BMERB1: variants seen among roughly 807,000 people sequenced by gnomAD.
BMERB1 encodes bMERB domain containing 1, also known as bMERB domain-containing protein 1.
Under a neutral mutation model 23.6 loss-of-function variants are expected in BMERB1, and 12 were observed. That is an observed-to-expected ratio of 0.51 (90% CI 0.33 to 0.82). The LOEUF is 0.82. Ranked by LOEUF, BMERB1 falls within the 40% of genes least tolerant of loss-of-function variation. The pLI, the probability that BMERB1 is intolerant of heterozygous loss-of-function variation, is 0.03. For synonymous variants in BMERB1, 122 were observed against 96.6 expected (o/e 1.26, Z -1.54); for missense variants, 247 against 255.4 (o/e 0.97, Z 0.22).
intron 5 of BMERB1, among the ~76,000 whole-genome samples, chr16:15,585,006 T>C (rs1313587678): frequency 6.6e-6 from 1 of 152,190 alleles, no homozygotes; most frequent in Non-Finnish European, 1.5e-5. Context: ...GAAGAGGGAC[T>C]TGAAATCTTG....
intron 1 of BMERB1, among the ~76,000 whole-genome samples, chr16:15,473,741 T>G (rs1438953863): frequency 6.6e-6 from 1 of 152,202 alleles, no homozygotes; most frequent in Non-Finnish European, 1.5e-5. Flanking sequence ...CTTTTACTTC[T>G]TGAAAAATAT....
intron 3 of BMERB1, among the ~76,000 whole-genome samples, chr16:15,576,951 A>C (rs554597651): frequency 2.6e-4 from 39 of 152,278 alleles, no homozygotes; most frequent in Middle Eastern, 3.4e-3. Context: ...GGCAGACTGC[A>C]CCAAATTTTA....
intron 3 of BMERB1, among the ~76,000 whole-genome samples, chr16:15,579,248 C>T (rs937506518): frequency 2.0e-5 from 3 of 152,172 alleles, no homozygotes; most frequent in South Asian, 2.1e-4. Context: ...CCTGGTGAGT[C>T]GATGGGTGTT....
intron 1 of BMERB1, among the ~76,000 whole-genome samples, chr16:15,444,171 C>G (rs2050970539): frequency 4.2e-5 from 3 of 71,022 alleles, no homozygotes; most frequent in Admixed American, 4.2e-4. Context: ...TTCCCCTTGG[C>G]TTAATGGATC....
chr16:15,445,322 A>G (rs886754033), intron 1 of BMERB1, among the ~76,000 whole-genome samples: 1 of 151,104 alleles, frequency 6.6e-6, no homozygotes, highest in Non-Finnish European at 1.5e-5. Flanking sequence ...TACATGATAC[A>G]TGTTTAGTAA....
At chr16:15,470,572 C>G (rs1273781369) in intron 1 of BMERB1, among the ~76,000 whole-genome samples, 1 of 150,876 alleles carries the variant, frequency 6.6e-6, no homozygotes. Context: ...TGTCGCAAGG[C>G]TGGAGTGCAG....
chr16:15,575,909 A>G (rs902530267), intron 3 of BMERB1, among the ~76,000 whole-genome samples: 1 of 152,048 alleles, frequency 6.6e-6, no homozygotes, highest in African/African-American at 2.4e-5. Context: ...AGTAGCCTCC[A>G]GTCCTTTTGT....
At chr16:15,530,786 G>A (rs1032864053) in intron 2 of BMERB1, among the ~76,000 whole-genome samples, 3 of 152,096 alleles carry the variant, frequency 2.0e-5, no homozygotes, top group Non-Finnish European at 2.9e-5. Context: ...TCCCCTGCTG[G>A]CATTCATTCT....
chr16:15,554,912 C>T (rs868277012), intron 2 of BMERB1, among the ~76,000 whole-genome samples: 87 of 152,006 alleles, frequency 5.7e-4, no homozygotes, highest in African/African-American at 1.9e-3. Context: ...GTGATCCGCC[C>T]GCCTCGGCCT....
chr16:15,552,483 C>T (rs2030122150), intron 2 of BMERB1, among the ~76,000 whole-genome samples: 1 of 152,074 alleles, frequency 6.6e-6, no homozygotes, highest in African/African-American at 2.4e-5. Flanking sequence ...ACTCACAACA[C>T]TTACTGTCTC....
Position 15,586,764 on chromosome 16 carries a change from G to A in BMERB1, c.550G>A (p.Val184Met), listed in dbSNP as rs1473247824. Residue 184 changes from valine to methionine, a missense_variant, in exon 6 of 6, where the codon GTG becomes ATG. Coordinates refer to ENST00000300006, the MANE Select transcript of BMERB1 (RefSeq NM_033201.3). The part of the protein sequence containing the change: ...KAEPPPSKPT[V>M]AKTGLALIKD... ...AGAGCCCCCACCTAGCAAGCCCACG[G>A]TGGCCAAGACGGGGCTGGCACTGAT... 1.2e-6 allele frequency: 2 copies of A among 1,612,764 alleles called. No individual in the cohort carries two copies. The highest frequency in any genetic ancestry group is 2.2e-5 in the South Asian group (2 of 90,582).
At chr16:15,562,170 G>A (rs779379809) in intron 2 of BMERB1, among the ~76,000 whole-genome samples, 23 of 151,988 alleles carry the variant, frequency 1.5e-4, no homozygotes, top group Non-Finnish European at 2.9e-4. Context: ...GGGCCTGGTG[G>A]TGCATGCCTG....
At chr16:15,523,808 C>G (rs1472479243) in intron 2 of BMERB1, among the ~76,000 whole-genome samples, 1 of 152,042 alleles carries the variant, frequency 6.6e-6, no homozygotes, top group Non-Finnish European at 1.5e-5. Context: ...TAACATTGTG[C>G]TTCGTGGGAG....
At chr16:15,463,270 T>TATATATATATATATATATATATA (rs2051152108) in intron 1 of BMERB1, among the ~76,000 whole-genome samples, 2 of 151,444 alleles carry the variant, frequency 1.3e-5, no homozygotes, top group Admixed American at 6.6e-5. Context: ...TATATATATA[T>TATATATATATATATATATATATA]TTTGTAGAGG....
intron 1 of BMERB1, among the ~76,000 whole-genome samples, chr16:15,474,976 C>T (rs983940848): frequency 2.0e-5 from 3 of 152,078 alleles, no homozygotes; most frequent in East Asian, 3.8e-4. Context: ...TGTGAGCCAC[C>T]GCACCCAGCC....
At chr16:15,494,175 C>T (rs2051450396) in intron 1 of BMERB1, among the ~76,000 whole-genome samples, 1 of 151,980 alleles carries the variant, frequency 6.6e-6, no homozygotes, top group Admixed American at 6.6e-5. Context: ...ACAGAAGTGC[C>T]GAAAAAGATT....
chr16:15,515,481 A>G (rs1160940039), intron 2 of BMERB1, 53 bp downstream of exon 2: 1 of 1,583,186 alleles, frequency 6.3e-7, no homozygotes. Context: ...GGAGAGAGGA[A>G]AACCTAATAT....
chr16:15,436,993 A>G (rs1184049290), intron 1 of BMERB1, among the ~76,000 whole-genome samples: 1 of 152,200 alleles, frequency 6.6e-6, no homozygotes, highest in Non-Finnish European at 1.5e-5. Flanking sequence ...TAGATTTAAA[A>G]AAACAAAACA....
intron 2 of BMERB1, among the ~76,000 whole-genome samples, chr16:15,549,539 C>A (rs1207828944): frequency 2.0e-5 from 3 of 151,690 alleles, no homozygotes; most frequent in Non-Finnish European, 2.9e-5. Context: ...ATTAGCTGGG[C>A]GTGGTGGCGG....
Sources: gnomAD v4.1 joint callset for allele counts (sites outside exome capture counted in the v4.1 genomes callset) on GRCh38, gnomAD v4.1.1 for gene constraint, MANE v1.5 for transcripts, NCBI Gene and HGNC (gene_info 2026-07-23, HGNC 2026-07-21) for gene names.